SLC24A4: variants seen among roughly 807,000 people sequenced by gnomAD.
SLC24A4 encodes the protein solute carrier family 24 member 4, also known as sodium/potassium/calcium exchanger 4.
In SLC24A4, 53 loss-of-function variants were observed where a neutral mutation model predicts 79.0. That is an observed-to-expected ratio of 0.67 (90% CI 0.54 to 0.84). The LOEUF (loss-of-function observed/expected upper bound fraction) is 0.84. Ranked by LOEUF, SLC24A4 falls within the 40% of genes least tolerant of loss-of-function variation. The pLI is 0.00. For missense variants in SLC24A4, 731 were observed against 822.0 expected (o/e 0.89, Z 1.35); for synonymous variants, 323 against 323.8 (o/e 1.00, Z 0.03).
In SLC24A4 at chr14:92,491,775, A is replaced by T. The variant is rs760119978; in HGVS notation, c.1648A>T (p.Thr550Ser). ...LQTMVVNYGSTVKINSRGLVY... is the reference protein window; with the variant it reads ...LQTMVVNYGSSVKINSRGLVY... ...GACCATGGTTGTTAATTATGGATCA[A>T]CAGTAAGTTCCTCTCACCTTTAACA... is the stretch of plus-strand genomic sequence containing the variant. Residue 550 changes from threonine (T) to serine (S), a missense_variant and splice_region_variant, in exon 15 of 17, where the codon ACA becomes TCA. Coordinates refer to ENST00000532405, the MANE Select transcript of SLC24A4 (RefSeq NM_153646.4). The T allele has an allele frequency of 1.3e-5, 21 of 1,607,518 alleles. No individual in the cohort carries two copies. The highest frequency in any genetic ancestry group is 1.7e-5 in the Non-Finnish European group (20 of 1,174,068).
chr14:92,336,742 A>C (rs1347933921), intron 2 of SLC24A4, among the ~76,000 whole-genome samples: 8 of 152,124 alleles, frequency 5.3e-5, no homozygotes, highest in African/African-American at 1.9e-4. Context: ...GGATCTTCCT[A>C]GGGAGGGTGC....
At chr14:92,347,100 A>G (rs1383180007) in intron 2 of SLC24A4, among the ~76,000 whole-genome samples, 2 of 151,208 alleles carry the variant, frequency 1.3e-5, no homozygotes, top group Non-Finnish European at 2.9e-5. Context: ...ATGCTTTACA[A>G]TCGACTCTAT....
chr14:92,449,303 C>A, intron 10 of SLC24A4, 87 bp downstream of exon 10: 1 of 1,294,248 alleles, frequency 7.7e-7, no homozygotes, highest in East Asian at 2.4e-5. Context: ...CACACACACA[C>A]ACACACACAC....
intron 2 of SLC24A4, among the ~76,000 whole-genome samples, chr14:92,365,277 G>A (rs1233274081): frequency 6.6e-6 from 1 of 152,252 alleles, no homozygotes; most frequent in African/African-American, 2.4e-5. Context: ...CTCACCAGGC[G>A]ATTGGAGCAT....
At chr14:92,465,942 C>A (rs1449223084) in intron 12 of SLC24A4, among the ~76,000 whole-genome samples, 1 of 152,214 alleles carries the variant, frequency 6.6e-6, no homozygotes, top group South Asian at 2.1e-4. Context: ...TTCCTCTTCC[C>A]CACAAACCTC....
chr14:92,332,915 GTTTAA>G (rs1404607121), intron 2 of SLC24A4, among the ~76,000 whole-genome samples: 1 of 152,186 alleles, frequency 6.6e-6, no homozygotes, highest in Non-Finnish European at 1.5e-5. Context: ...AAACAAATTT[GTTTAA>G]TTTAATTCAT....
Position 92,353,306 on chromosome 14 carries a change from C to A in SLC24A4, c.241+27328C>A, listed in dbSNP as rs968695849. Among the ~76,000 whole-genome samples, 1 of 152,182 alleles carries A rather than the reference C, an allele frequency of 6.6e-6. No individual in the cohort carries two copies. On this transcript the variant is annotated intron_variant, in intron 2 of 16. Coordinates refer to ENST00000532405, the MANE Select transcript of SLC24A4 (RefSeq NM_153646.4). The surrounding 1 kb of genome is among the most constrained non-coding windows in gnomAD (Gnocchi z 4.1). ...ATCCTTTAATCATCTACATAGTATT[C>A]TATTGTGCGGATGTGCTATGATCTA...
intron 2 of SLC24A4, among the ~76,000 whole-genome samples, chr14:92,393,569 G>A (rs1055621103): frequency 8.0e-5 from 7 of 87,124 alleles, no homozygotes; most frequent in East Asian, 6.6e-4. Flanking sequence ...TTTTTTTTAC[G>A]GAGTCTCGCT....
At chr14:92,389,253 A>G (rs749858854) in intron 2 of SLC24A4, among the ~76,000 whole-genome samples, 2 of 152,150 alleles carry the variant, frequency 1.3e-5, no homozygotes, top group Non-Finnish European at 2.9e-5. Flanking sequence ...TCTTTCCTGA[A>G]TCTACCTCTT....
chr14:92,393,545 CTTTTTTTTTT>C, intron 2 of SLC24A4, among the ~76,000 whole-genome samples: 1 of 112,478 alleles, frequency 8.9e-6, no homozygotes, highest in East Asian at 2.6e-4. Context: ...AAGACACACT[CTTTTTTTTTT>C]TTTTTTTTTT....
chr14:92,488,665 T>C (rs1293104629), intron 14 of SLC24A4, among the ~76,000 whole-genome samples: 1 of 149,702 alleles, frequency 6.7e-6, no homozygotes, highest in African/African-American at 2.5e-5. Flanking sequence ...TGGACATGAA[T>C]GGGGGCAGGG....
chr14:92,434,843 G>A (rs1486410961), intron 3 of SLC24A4, among the ~76,000 whole-genome samples: 1 of 152,260 alleles, frequency 6.6e-6, no homozygotes, highest in East Asian at 1.9e-4. Context: ...GCGCGATCTT[G>A]GCTCACTGCA....
At chr14:92,391,627 C>T (rs952416147) in intron 2 of SLC24A4, among the ~76,000 whole-genome samples, 1 of 152,218 alleles carries the variant, frequency 6.6e-6, no homozygotes, top group African/African-American at 2.4e-5. Flanking sequence ...CCTTGCCACT[C>T]CCCCATTGAG....
chr14:92,453,492 G>C (rs537604991), intron 10 of SLC24A4: 2 of 159,104 alleles, frequency 1.3e-5, no homozygotes, highest in Middle Eastern at 2.8e-3. Context: ...CTCTGTACGT[G>C]GGGGAAAGAA....
intron 2 of SLC24A4, among the ~76,000 whole-genome samples, chr14:92,428,427 G>A (rs8010864): frequency 0.21 from 31,252 of 152,144 alleles, 3,584 homozygotes; most frequent in Non-Finnish European, 0.24. Flanking sequence ...GGTCCCTGAG[G>A]GGGAGGTTCA....
chr14:92,345,685 G>C (rs1050792948), intron 2 of SLC24A4, among the ~76,000 whole-genome samples: 1 of 151,950 alleles, frequency 6.6e-6, no homozygotes, highest in African/African-American at 2.4e-5. Flanking sequence ...CTGGGTGACA[G>C]AGCAAGCCTC....
intron 13 of SLC24A4, chr14:92,484,490 G>A (rs1895249082): frequency 1.0e-6 from 1 of 985,168 alleles, no homozygotes; most frequent in African/African-American, 1.7e-5. Context: ...TGTGACTCCT[G>A]GTACCGGCTT....
chr14:92,413,569 C>T lies in SLC24A4; in HGVS notation c.242-20343C>T, dbSNP rs549727222. Among the ~76,000 whole-genome samples, 4 of 152,322 alleles carry T rather than the reference C, an allele frequency of 2.6e-5. No individual in the cohort carries two copies. The South Asian group carries it at 8.3e-4, about 32-fold the overall frequency. ...GTCACCATTAGCTGCACATCTGTTT[C>T]CCCCTCCTCCGTAGGTTGCAAACGT... On this transcript the variant is annotated intron_variant, in intron 2 of 16. Transcript: ENST00000532405.
At chr14:92,465,699 G>C (rs1022241292) in intron 12 of SLC24A4, among the ~76,000 whole-genome samples, 2 of 152,110 alleles carry the variant, frequency 1.3e-5, no homozygotes, top group African/African-American at 4.8e-5. Context: ...GACTGTGCCT[G>C]TGTGAGAAGG....
Sources: allele counts gnomAD v4.1 joint callset (sites outside exome capture counted in the v4.1 genomes callset), GRCh38; gene constraint gnomAD v4.1.1; non-coding constraint Gnocchi (gnomAD v3.1); transcripts MANE v1.5; gene names NCBI Gene and HGNC (gene_info 2026-07-23, HGNC 2026-07-21).